PAXBP1: variants seen among roughly 807,000 people sequenced by gnomAD.
PAXBP1 encodes PAX3- and PAX7-binding protein 1.
PAXBP1 carries 44 observed loss-of-function variants against 119.9 expected under a neutral mutation model. That is an observed-to-expected ratio of 0.37 (90% CI 0.29 to 0.47). The LOEUF (loss-of-function observed/expected upper bound fraction) is 0.47. PAXBP1 is among the 20% of genes least tolerant of loss of function. The pLI is 0.99. For synonymous variants in PAXBP1, 393 were observed against 406.6 expected, an observed-to-expected ratio of 0.97 and a Z score of 0.40; for missense variants, 898 against 1,134.1, an observed-to-expected ratio of 0.79 and a Z score of 2.99.
chr21:32,759,294 T>A, intron 6 of PAXBP1, 25 bp from the exon 7 acceptor site: 3 of 1,602,964 alleles, frequency 1.9e-6, no homozygotes, highest in Non-Finnish European at 2.6e-6. Context: ...AGGATAAATA[T>A]AACACATTTA....
chr21:32,751,319 C>G, intron 8 of PAXBP1, 101 bp from the exon 9 acceptor site: 2 of 1,047,288 alleles, frequency 1.9e-6, no homozygotes, highest in Non-Finnish European at 2.8e-6. Context: ...TTGCTAATCT[C>G]AACGGCAAGA....
Position 32,771,448 on chromosome 21 carries a change from T to C in PAXBP1, c.221A>G (p.Glu74Gly), listed in dbSNP as rs773729255. The C allele has an allele frequency of 2.0e-6, 3 of 1,476,434 alleles. No homozygotes were observed. The highest frequency in any genetic ancestry group is 2.7e-6 in the Non-Finnish European group (3 of 1,121,458). The allele number at this position is 1,476,434 out of a possible 1,614,324, so 91.5% of individuals were successfully genotyped here. The change falls in exon 1 of 18, where the codon GAG becomes GGG. Residue 74 changes from glutamate to glycine, a missense_variant. Glu to Gly is a moderately conservative substitution (Grantham distance 98). Around this residue, in one of 2 missense-constraint regions of PAXBP1, gnomAD observed 299 missense variants for 281.4 expected, o/e 1.06. Coordinates refer to ENST00000331923, the MANE Select transcript of PAXBP1 (RefSeq NM_016631.4). Reference protein sequence around the residue: ...PSALTPGLGAEAGGGFPGGAE... With the variant: ...PSALTPGLGAGAGGGFPGGAE... Reference sequence around the variant, plus strand: ...GCCGCCGGGGAAGCCGCCCCCGGCCTCAGCCCCGAGGCCCGGGGTCAGCGC... The same window carrying C: ...GCCGCCGGGGAAGCCGCCCCCGGCCCCAGCCCCGAGGCCCGGGGTCAGCGC...
chr21:32,741,486 G>C (rs1208590976), intron 15 of PAXBP1: 1 of 765,840 alleles, frequency 1.3e-6, no homozygotes, highest in African/African-American at 1.7e-5. Flanking sequence ...AACATGACTG[G>C]ACAAAAAGGT....
At chr21:32,762,515 C>G (rs2044166574) in intron 3 of PAXBP1, among the ~76,000 whole-genome samples, 198 bp from the exon 4 acceptor site, 1 of 151,854 alleles carries the variant, frequency 6.6e-6, no homozygotes, top group Non-Finnish European at 1.5e-5. Flanking sequence ...ACTGAGGAAA[C>G]TAAAAAGAAC....
At chr21:32,749,869 G>C (rs951711732) in intron 10 of PAXBP1, among the ~76,000 whole-genome samples, 1 of 152,218 alleles carries the variant, frequency 6.6e-6, no homozygotes, top group South Asian at 2.1e-4. Context: ...ATAGGGGTGG[G>C]TGTGTGAATG....
intron 2 of PAXBP1, among the ~76,000 whole-genome samples, chr21:32,765,859 G>A (rs558211562): frequency 2.7e-5 from 4 of 148,120 alleles, no homozygotes; most frequent in African/African-American, 1.0e-4. Context: ...ACCCATGCTA[G>A]GCCAGGCATG....
At position 32,771,611 on chromosome 21, in the gene PAXBP1, C is replaced by G. The variant is rs1047606673; in HGVS notation, c.58G>C (p.Glu20Gln). The G allele has an allele frequency of 3.3e-5, 49 of 1,468,174 alleles. No individual in the cohort carries two copies. Among genetic ancestry groups the G allele is most frequent in the Non-Finnish European group, 4.1e-5 (46 of 1,115,300 alleles). 90.9% of individuals were successfully genotyped at this position (1,468,174 alleles called of 1,614,324 possible). A position where few individuals can be genotyped will look rare whatever the true frequency, so the allele number is the denominator to read the frequency against. The change falls in exon 1 of 18, where the codon GAG (glutamate) becomes CAG (glutamine). Residue 20 changes from glutamate (E) to glutamine (Q), a missense_variant. Transcript: ENST00000331923. ...VRKRNDSEEEERERDEEQEPP... is the reference protein window; with the variant it reads ...VRKRNDSEEEQRERDEEQEPP... ...TCCTGCTCCTCATCGCGTTCCCGCT[C>G]TTCCTCTTCGGAGTCGTTCCGCTTG...
intron 8 of PAXBP1, among the ~76,000 whole-genome samples, chr21:32,754,004 G>A (rs1260512956): frequency 6.6e-6 from 1 of 152,184 alleles, no homozygotes; most frequent in Non-Finnish European, 1.5e-5. Context: ...CATGAGTCAT[G>A]TAGGTGGCTA....
chr21:32,770,097 A>C (rs1305681337), intron 1 of PAXBP1, among the ~76,000 whole-genome samples, 155 bp from the exon 2 acceptor site: 1 of 152,208 alleles, frequency 6.6e-6, no homozygotes, highest in Non-Finnish European at 1.5e-5. Flanking sequence ...TCACAGACTC[A>C]AAAACAGAGG....
chr21:32,752,861 G>A (rs532850435), intron 8 of PAXBP1, among the ~76,000 whole-genome samples: 12 of 151,956 alleles, frequency 7.9e-5, no homozygotes, highest in South Asian at 2.1e-4. Context: ...CTCAAACTCC[G>A]CCTCGGCCTC....
chr21:32,752,718 C>T (rs2043976151), intron 8 of PAXBP1, among the ~76,000 whole-genome samples: 1 of 152,184 alleles, frequency 6.6e-6, no homozygotes, highest in Non-Finnish European at 1.5e-5. Flanking sequence ...CAGTTCACTG[C>T]AACCTCCGCC....
chr21:32,759,745 G>C, intron 6 of PAXBP1, 32 bp downstream of exon 6: 1 of 1,551,646 alleles, frequency 6.4e-7, no homozygotes, highest in Non-Finnish European at 8.9e-7. Context: ...GAAAGCTAGC[G>C]GACAGGTCTT....
intron 3 of PAXBP1, among the ~76,000 whole-genome samples, chr21:32,763,057 T>C (rs1422439881): frequency 6.6e-6 from 1 of 152,188 alleles, no homozygotes; most frequent in Non-Finnish European, 1.5e-5. Flanking sequence ...CCTGTAATCA[T>C]ACTAAATATT....
At chr21:32,736,761 ACC>A (rs2043698790) in intron 17 of PAXBP1, among the ~76,000 whole-genome samples, 1 of 152,144 alleles carries the variant, frequency 6.6e-6, no homozygotes, top group African/African-American at 2.4e-5. Context: ...TTACCTGAAC[ACC>A]CATAAATTAA....
intron 17 of PAXBP1, 79 bp from the exon 18 acceptor site, chr21:32,735,146 T>G (rs2146460782): frequency 1.1e-6 from 1 of 925,230 alleles, no homozygotes; most frequent in Non-Finnish European, 1.7e-6. Flanking sequence ...ATGGCTATTT[T>G]AGAGCTTCTG....
At chr21:32,739,318 C>T (rs1216973422) in intron 15 of PAXBP1, among the ~76,000 whole-genome samples, 1 of 152,146 alleles carries the variant, frequency 6.6e-6, no homozygotes, top group Non-Finnish European at 1.5e-5. Flanking sequence ...AGTTTGATTC[C>T]CATCTCTAAT....
In PAXBP1 at chr21:32,734,970, A is replaced by C; in HGVS notation, c.2734T>G (p.Ser912Ala). ...TAGATCTATTTTCCTTCGATCAAAGACTTAAATTCTTTCACATTGTGGTCA... is the reference window on the plus strand; with the variant it reads ...TAGATCTATTTTCCTTCGATCAAAGCCTTAAATTCTTTCACATTGTGGTCA... ...ASDHNVKEFK[S>A]LIEGK The change falls in exon 18 of 18, where the codon TCT becomes GCT. Residue 912 changes from serine (S) to alanine (A), a missense_variant. Coordinates refer to ENST00000331923, the MANE Select transcript of PAXBP1 (RefSeq NM_016631.4). 6.2e-7 allele frequency: 1 copy of C among 1,613,590 alleles called. No homozygotes were observed. The highest frequency in any genetic ancestry group is 8.5e-7 in the Non-Finnish European group (1 of 1,179,630).
Position 32,771,683 on chromosome 21 carries a change from C to A in PAXBP1, c.-15G>T. 1.4e-6 allele frequency: 2 copies of A among 1,390,752 alleles called. No individual in the cohort carries two copies. Among genetic ancestry groups the A allele is most frequent in the Non-Finnish European group, 1.9e-6 (2 of 1,077,440 alleles). The allele number at this position is 1,390,752 out of a possible 1,614,324, so 86.2% of individuals were successfully genotyped here. ...TTTCGGAACATCCCCGCGGCCCGCA[C>A]GGCGGTCGAATACTCGCTTCCACAC... On this transcript the variant is annotated 5_prime_UTR_variant, in exon 1 of 18. Coordinates refer to ENST00000331923, the MANE Select transcript of PAXBP1 (RefSeq NM_016631.4).
In PAXBP1 at chr21:32,764,458, CTGA is replaced by C. The variant is rs1182436105; in HGVS notation, c.536_538del (p.Ile179del). ...ATCCATTTCATCTTCACCATGTTCACTGATGATAACTCCATCTTCTTGATTTGT... is the reference window on the plus strand; with the variant it reads ...ATCCATTTCATCTTCACCATGTTCACTGATAACTCCATCTTCTTGATTTGT... On this transcript the variant is annotated inframe_deletion, in exon 3 of 18. Transcript: ENST00000331923. The C allele has an allele frequency of 1.2e-6, 2 of 1,613,776 alleles. No individual in the cohort carries two copies. The highest frequency in any genetic ancestry group is 1.7e-6 in the Non-Finnish European group (2 of 1,179,800).
Sources: gnomAD v4.1 joint callset for allele counts (sites outside exome capture counted in the v4.1 genomes callset) on GRCh38, gnomAD v4.1.1 for gene constraint, gnomAD v4.1.1 regional missense constraint, MANE v1.5 for transcripts, NCBI Gene and HGNC (gene_info 2026-07-23, HGNC 2026-07-21) for gene names.